Variants in RBFOX1 observed in about 807,000 individuals in gnomAD.
RBFOX1 encodes RNA binding protein fox-1 homolog 1.
In RBFOX1, 8 loss-of-function variants were observed where a neutral mutation model predicts 57.7. The observed-to-expected ratio is 0.14, with a 90% CI of 0.08 to 0.25. The LOEUF (loss-of-function observed/expected upper bound fraction) is 0.25, where lower values mean the gene tolerates loss of function less well. Ranked by LOEUF, RBFOX1 falls within the 10% of genes least tolerant of loss-of-function variation. The pLI, the probability that RBFOX1 is intolerant of heterozygous loss-of-function variation, is 1.00. For missense variants in RBFOX1, 611 were observed against 548.5 expected (o/e 1.11, Z -1.14); for synonymous variants, 326 against 222.4 (o/e 1.47, Z -4.15).
chr16:6,911,717 C>T (rs975528146), intron 3 of RBFOX1, among the ~76,000 whole-genome samples: 2 of 152,158 alleles, frequency 1.3e-5, no homozygotes, highest in African/African-American at 4.8e-5. Flanking sequence ...TATTTAATAA[C>T]ACTTTTATTT....
intron 4 of RBFOX1, among the ~76,000 whole-genome samples, chr16:7,232,975 C>G (rs2093586486): frequency 2.0e-5 from 3 of 152,132 alleles, no homozygotes; most frequent in African/African-American, 7.2e-5. Flanking sequence ...CTTTCCCTCT[C>G]CACACCGGTG....
chr16:5,991,140 T>TG (rs1031762278), intron 4 of RBFOX1, among the ~76,000 whole-genome samples: 3 of 152,226 alleles, frequency 2.0e-5, no homozygotes, highest in African/African-American at 7.2e-5. Flanking sequence ...TTGGACCATT[T>TG]GGGGGGTGAC....
rs1209633555 is a variant in RBFOX1 at position 7,545,734 on chromosome 16, C to T, written c.270+27345C>T. Among the ~76,000 whole-genome samples the T allele has an allele frequency of 2.6e-5, 4 of 152,198 alleles. No individual in the cohort carries two copies. In the East Asian group the frequency reaches 7.8e-4, roughly 30 times the overall value. ...ATTCTTTCCGAATGTTCTTTCCAGA[C>T]AGAGGTGGAGGGCAAGGAACTGGGT... is the stretch of plus-strand genomic sequence containing the variant. On this transcript the variant is annotated intron_variant, in intron 5 of 15. Coordinates refer to ENST00000550418, the MANE Select transcript of RBFOX1 (RefSeq NM_018723.4).
At chr16:6,925,545 T>C (rs537356178) in intron 3 of RBFOX1, among the ~76,000 whole-genome samples, 2 of 152,138 alleles carry the variant, frequency 1.3e-5, no homozygotes, top group African/African-American at 4.8e-5. Context: ...TTTGATCTAT[T>C]TTATTCACTG....
rs576728924 is a variant in RBFOX1 at position 6,211,343 on chromosome 16, C to G, written c.-126-105652C>G. On this transcript the variant is annotated intron_variant, in intron 1 of 15. Coordinates refer to ENST00000550418, the MANE Select transcript of RBFOX1 (RefSeq NM_018723.4). Reference sequence around the variant, plus strand: ...TCCTGGGTTCATGCCATTCTTCTACCTCAGCCTCCCAGGTAGCTGAGACTA... The same window carrying G: ...TCCTGGGTTCATGCCATTCTTCTACGTCAGCCTCCCAGGTAGCTGAGACTA... Among the ~76,000 whole-genome samples, 5 of 151,810 alleles carry G rather than the reference C, an allele frequency of 3.3e-5. No individual in the cohort carries two copies. The East Asian group carries it at 7.8e-4, about 24-fold the overall frequency.
intron 3 of RBFOX1, among the ~76,000 whole-genome samples, chr16:7,021,516 T>G (rs956458281): frequency 2.7e-5 from 4 of 145,750 alleles, no homozygotes; most frequent in African/African-American, 9.9e-5. Context: ...ATATTATATT[T>G]TATAAAATTT....
intron 5 of RBFOX1, among the ~76,000 whole-genome samples, chr16:7,551,727 T>G (rs2086604894): frequency 1.3e-5 from 2 of 152,200 alleles, no homozygotes; most frequent in Non-Finnish European, 2.9e-5. Context: ...ATTATGAGCA[T>G]TACTAGCCAA....
chr16:6,400,232 T>C (rs1473270645), intron 2 of RBFOX1, among the ~76,000 whole-genome samples: 1 of 151,862 alleles, frequency 6.6e-6, no homozygotes, highest in Non-Finnish European at 1.5e-5. Context: ...ATTTAAATTT[T>C]TGAAATATTG....
chr16:6,305,589 G>A (rs1055181744), intron 1 of RBFOX1, among the ~76,000 whole-genome samples: 1 of 150,182 alleles, frequency 6.7e-6, no homozygotes, highest in African/African-American at 2.5e-5. Flanking sequence ...AGCTTGGGAG[G>A]ACTTCAATAT....
At chr16:7,122,440 C>T (rs1399064316) in intron 4 of RBFOX1, among the ~76,000 whole-genome samples, 1 of 151,646 alleles carries the variant, frequency 6.6e-6, no homozygotes, top group Non-Finnish European at 1.5e-5. Context: ...AGGCAAAAAC[C>T]TAAAAAAGAA....
chr16:7,662,252 A>G (rs1270835652), intron 12 of RBFOX1, among the ~76,000 whole-genome samples: 1 of 152,212 alleles, frequency 6.6e-6, no homozygotes, highest in African/African-American at 2.4e-5. Flanking sequence ...TTCATATCTC[A>G]TGAAAAATAC....
At chr16:5,765,503 A>G (rs2053744543) in intron 3 of RBFOX1, among the ~76,000 whole-genome samples, 1 of 152,228 alleles carries the variant, frequency 6.6e-6, no homozygotes, top group South Asian at 2.1e-4. Context: ...AAGACATTTT[A>G]TGAGGGCAAG....
intron 1 of RBFOX1, among the ~76,000 whole-genome samples, chr16:5,307,984 G>C (rs1379974519): frequency 6.6e-6 from 1 of 152,110 alleles, no homozygotes; most frequent in Non-Finnish European, 1.5e-5. Context: ...GACTATAATA[G>C]CTGTAATTTA....
chr16:5,365,101 A>G (rs1175191876), intron 1 of RBFOX1, among the ~76,000 whole-genome samples: 2 of 152,072 alleles, frequency 1.3e-5, no homozygotes, highest in African/African-American at 2.4e-5. Context: ...TGACCTACTT[A>G]CTGCTGTGGG....
chr16:6,355,862 T>G (rs1310275276), intron 2 of RBFOX1, among the ~76,000 whole-genome samples: 1 of 152,182 alleles, frequency 6.6e-6, no homozygotes, highest in Non-Finnish European at 1.5e-5. Flanking sequence ...AGTTGGTATA[T>G]ACAAAATGAT....
intron 4 of RBFOX1, among the ~76,000 whole-genome samples, chr16:7,354,242 A>G (rs1406060265): frequency 6.6e-6 from 1 of 152,166 alleles, no homozygotes; most frequent in African/African-American, 2.4e-5. Flanking sequence ...CACTGCTGCG[A>G]TTACAGGTGT....
chr16:6,429,404 C>T (rs1292314697), intron 2 of RBFOX1, among the ~76,000 whole-genome samples: 1 of 152,226 alleles, frequency 6.6e-6, no homozygotes, highest in Admixed American at 6.5e-5. Context: ...AGCCATTTCT[C>T]ATATTTACCC....
At chr16:5,593,981 C>A (rs1021899914) in intron 2 of RBFOX1, among the ~76,000 whole-genome samples, 1 of 152,024 alleles carries the variant, frequency 6.6e-6, no homozygotes, top group Admixed American at 6.6e-5. Flanking sequence ...TGATACACCA[C>A]CCCCATCCTG....
intron 3 of RBFOX1, among the ~76,000 whole-genome samples, chr16:6,855,232 A>C (rs575984614): frequency 6.6e-6 from 1 of 152,082 alleles, no homozygotes; most frequent in African/African-American, 2.4e-5. Context: ...TGCAGTGAAC[A>C]TATGCATGAG....
Sources: allele counts gnomAD v4.1 joint callset (sites outside exome capture counted in the v4.1 genomes callset), GRCh38; gene constraint gnomAD v4.1.1; transcripts MANE v1.5; gene names NCBI Gene and HGNC (gene_info 2026-07-23, HGNC 2026-07-21).